SYNDIG1L: variants seen among roughly 807,000 people sequenced by gnomAD.
SYNDIG1L encodes the protein synapse differentiation-inducing gene protein 1-like.
A neutral mutation model predicts 20.1 loss-of-function variants in SYNDIG1L; 13 were observed. The observed-to-expected ratio is 0.65, with a 90% CI of 0.42 to 1.03. SYNDIG1L has a LOEUF of 1.03. Ranked by LOEUF, SYNDIG1L falls within the 50% of genes least tolerant of loss-of-function variation. The probability of loss-of-function intolerance (pLI) is 0.00; values close to 1 mark genes in which losing one functional copy is unlikely to be tolerated. For missense variants in SYNDIG1L, 294 were observed against 305.1 expected (o/e 0.96, Z 0.27); for synonymous variants, 128 against 129.3 (o/e 0.99, Z 0.07).
the SYNDIG1L span, among the ~76,000 whole-genome samples, chr14:74,439,162 T>A: frequency 2.7e-5 from 4 of 148,702 alleles, no homozygotes; most frequent in African/African-American, 9.8e-5. Context: ...TCCTCCTTGG[T>A]GTCTTTTCCC....
At chr14:74,426,890 G>C (rs74457298), upstream of SYNDIG1L, among the ~76,000 whole-genome samples, 448 of 152,076 alleles carry the variant, frequency 2.9e-3, 2 homozygotes, top group African/African-American at 0.01. Flanking sequence ...GTATAACCTC[G>C]AGCAAGTTAC....
At chr14:74,466,146 TC>T in the SYNDIG1L span, among the ~76,000 whole-genome samples, 3 of 152,110 alleles carry the variant, frequency 2.0e-5, no homozygotes, top group Non-Finnish European at 4.4e-5. Context: ...CTCAATTCTA[TC>T]TTTAGCTCTG....
At chr14:74,452,270 A>G in the SYNDIG1L span, among the ~76,000 whole-genome samples, 1 of 152,132 alleles carries the variant, frequency 6.6e-6, no homozygotes, top group Non-Finnish European at 1.5e-5. Flanking sequence ...CTCATACACT[A>G]TTGGTGGGAT....
chr14:74,469,880 C>G, the SYNDIG1L span, among the ~76,000 whole-genome samples: 1 of 152,188 alleles, frequency 6.6e-6, no homozygotes, highest in Admixed American at 6.5e-5. Context: ...TGAAAACCCT[C>G]TCTGCCAGCA....
At chr14:74,441,498 T>C in the SYNDIG1L span, among the ~76,000 whole-genome samples, 1 of 152,132 alleles carries the variant, frequency 6.6e-6, no homozygotes, top group Non-Finnish European at 1.5e-5. Flanking sequence ...TTTTTAAAAA[T>C]AAATTTTGTT....
chr14:74,463,623 T>A, the SYNDIG1L span, among the ~76,000 whole-genome samples: 2 of 152,104 alleles, frequency 1.3e-5, no homozygotes, highest in South Asian at 4.2e-4. Flanking sequence ...CAGCTGTAAT[T>A]AATGAGGAAA....
rs1413233943 is a variant in SYNDIG1L at position 74,406,755 on chromosome 14, A to AT, written c.*779dup. On this transcript the variant is annotated 3_prime_UTR_variant, in exon 4 of 4. Coordinates refer to ENST00000331628, the MANE Select transcript of SYNDIG1L (RefSeq NM_001105579.2). ...CCCAGGCAAAGCCCAGAAAAGGATGATAGGGGCGGGGAGTGGGGGGAGAGT... is the reference window on the plus strand; with the variant it reads ...CCCAGGCAAAGCCCAGAAAAGGATGATTAGGGGCGGGGAGTGGGGGGAGAGT... 7.2e-5 allele frequency: 11 copies of AT among 152,312 alleles called. No individual in the cohort carries two copies. Among genetic ancestry groups the AT allele is most frequent in the Admixed American group, 1.3e-4 (2 of 15,270 alleles). 9.4% of individuals were successfully genotyped at this position (152,312 alleles called of 1,614,324 possible). A position where few individuals can be genotyped will look rare whatever the true frequency, so the allele number is the denominator to read the frequency against.
intron 1 of SYNDIG1L, 130 bp from the exon 2 acceptor site, chr14:74,409,931 AC>A: frequency 1.5e-6 from 1 of 663,070 alleles, no homozygotes; most frequent in Non-Finnish European, 2.2e-6. Flanking sequence ...AAGATGCAGG[AC>A]CTGGAACTGG....
the SYNDIG1L span, among the ~76,000 whole-genome samples, chr14:74,456,661 G>A: frequency 6.6e-6 from 1 of 152,120 alleles, no homozygotes; most frequent in Non-Finnish European, 1.5e-5. Context: ...ATAAAAGAGG[G>A]GTCACTGGAG....
At chr14:74,418,469 CCCTCACTTAAAAA>C (rs1317229172) in intron 1 of SYNDIG1L, among the ~76,000 whole-genome samples, 1 of 152,174 alleles carries the variant, frequency 6.6e-6, no homozygotes, top group Non-Finnish European at 1.5e-5. Context: ...ATTGTAGTCT[CCCTCACTTAAAAA>C]ATAAAATCAT....
the SYNDIG1L span, among the ~76,000 whole-genome samples, chr14:74,453,481 G>C: frequency 1.3e-3 from 194 of 151,542 alleles, 10 homozygotes; most frequent in South Asian, 0.039. Flanking sequence ...AAAGGAGCAT[G>C]AGGAAATTTT....
the SYNDIG1L span, among the ~76,000 whole-genome samples, chr14:74,477,216 C>A: frequency 6.6e-6 from 1 of 150,580 alleles, no homozygotes; most frequent in African/African-American, 2.4e-5. Context: ...TCTGTCTCTT[C>A]CTTGGGAAAA....
upstream of SYNDIG1L, among the ~76,000 whole-genome samples, chr14:74,430,420 T>C (rs956902622): frequency 1.4e-5 from 2 of 148,098 alleles, no homozygotes; most frequent in Admixed American, 1.4e-4. Context: ...AAAATGAAAA[T>C]GAGCGGAAGA....
the SYNDIG1L span, among the ~76,000 whole-genome samples, chr14:74,465,938 A>T: frequency 0.37 from 56,339 of 152,070 alleles, 11,194 homozygotes; most frequent in South Asian, 0.46. Flanking sequence ...GTGAGGTGTC[A>T]GACCAAAGCT....
chr14:74,432,338 T>C, the SYNDIG1L span, among the ~76,000 whole-genome samples: 1 of 152,150 alleles, frequency 6.6e-6, no homozygotes, highest in Non-Finnish European at 1.5e-5. Flanking sequence ...CAAACACATA[T>C]TTGGTTTCAC....
At chr14:74,444,202 G>GGT in the SYNDIG1L span, among the ~76,000 whole-genome samples, 1 of 151,862 alleles carries the variant, frequency 6.6e-6, no homozygotes, top group Non-Finnish European at 1.5e-5. Flanking sequence ...TGGGATTACA[G>GGT]GCACCTGCCA....
chr14:74,441,764 C>T, the SYNDIG1L span, among the ~76,000 whole-genome samples: 2 of 152,154 alleles, frequency 1.3e-5, no homozygotes, highest in Admixed American at 6.5e-5. Context: ...CCTCCCATCT[C>T]GGCCTCCCAA....
intron 1 of SYNDIG1L, among the ~76,000 whole-genome samples, chr14:74,421,808 G>A (rs1048499312): frequency 7.2e-5 from 11 of 152,152 alleles, no homozygotes; most frequent in African/African-American, 2.2e-4. Flanking sequence ...GGGGGAACCT[G>A]GGAAAGACAG....
chr14:74,427,079 CA>C (rs1426918097), upstream of SYNDIG1L, among the ~76,000 whole-genome samples: 1 of 151,642 alleles, frequency 6.6e-6, no homozygotes, highest in African/African-American at 2.4e-5. Context: ...GCTTTGTCTC[CA>C]CCCTGTGCTG....
Sources: gnomAD v4.1 joint callset for allele counts (sites outside exome capture counted in the v4.1 genomes callset) on GRCh38, gnomAD v4.1.1 for gene constraint, MANE v1.5 for transcripts, NCBI Gene and HGNC (gene_info 2026-07-23, HGNC 2026-07-21) for gene names.